The following EPHA3 variants were observed in gnomAD, a reference collection of about 807,000 sequenced individuals.
EPHA3 encodes the protein ephrin type-A receptor 3.
In EPHA3, 42 loss-of-function variants were observed where a neutral mutation model predicts 107.1. The ratio of observed to expected loss-of-function variants is 0.39; its 90% CI spans 0.31 to 0.51. The LOEUF (loss-of-function observed/expected upper bound fraction) is 0.51. EPHA3 is among the 20% of genes least tolerant of loss of function. EPHA3 has a pLI of 0.78. For missense variants in EPHA3, 1,183 were observed against 1,211.2 expected, an observed-to-expected ratio of 0.98 and a Z score of 0.35; for synonymous variants, 461 against 424.8, an observed-to-expected ratio of 1.09 and a Z score of -1.05.
intron 5 of EPHA3, among the ~76,000 whole-genome samples, chr3:89,376,133 T>A (rs1708399733): frequency 6.6e-6 from 1 of 151,934 alleles, no homozygotes; most frequent in African/African-American, 2.4e-5. Flanking sequence ...TTCCATACAT[T>A]ATTAATTTTA....
chr3:89,341,714 C>T, intron 4 of EPHA3, 41 bp from the exon 5 acceptor site: 1 of 1,469,110 alleles, frequency 6.8e-7, no homozygotes. Context: ...TAGTAGAAAA[C>T]AGAAGTGAGG....
intron 3 of EPHA3, among the ~76,000 whole-genome samples, chr3:89,257,975 G>T (rs1445867630): frequency 6.6e-6 from 1 of 152,114 alleles, no homozygotes; most frequent in Non-Finnish European, 1.5e-5. Flanking sequence ...TAATTACAAA[G>T]AGAATAAACT....
At chr3:89,313,912 A>G (rs1706830770) in intron 3 of EPHA3, among the ~76,000 whole-genome samples, 1 of 152,004 alleles carries the variant, frequency 6.6e-6, no homozygotes, top group African/African-American at 2.4e-5. Context: ...TATTTTTTAT[A>G]AAGTAAACTA....
chr3:89,410,122 T>C (rs1709130472), intron 9 of EPHA3, among the ~76,000 whole-genome samples: 1 of 152,008 alleles, frequency 6.6e-6, no homozygotes, highest in African/African-American at 2.4e-5. Flanking sequence ...AGCCAGTGCT[T>C]CTACAGCGAA....
chr3:89,203,670 G>T (rs1049129367), intron 2 of EPHA3, among the ~76,000 whole-genome samples: 2 of 151,938 alleles, frequency 1.3e-5, no homozygotes, highest in African/African-American at 4.8e-5. Context: ...CCAGCTACTC[G>T]GGAGGCTGAG....
chr3:89,343,735 A>T (rs1212252003), intron 5 of EPHA3, among the ~76,000 whole-genome samples: 1 of 152,232 alleles, frequency 6.6e-6, no homozygotes, highest in East Asian at 1.9e-4. Context: ...AAGTAAACTT[A>T]ATTTGTGGAA....
intron 3 of EPHA3, among the ~76,000 whole-genome samples, chr3:89,308,799 C>T (rs1307042421): frequency 2.6e-5 from 4 of 151,880 alleles, no homozygotes; most frequent in South Asian, 4.2e-4. Flanking sequence ...TAATGAAACT[C>T]GGTAATCTTT....
chr3:89,468,319 T>C (rs1690945874), intron 15 of EPHA3, among the ~76,000 whole-genome samples: 1 of 152,114 alleles, frequency 6.6e-6, no homozygotes, highest in Non-Finnish European at 1.5e-5. Context: ...TTGGGGTCAC[T>C]AATCCTTAAT....
intron 13 of EPHA3, among the ~76,000 whole-genome samples, chr3:89,433,449 A>G (rs1203918699): frequency 6.6e-6 from 1 of 152,172 alleles, no homozygotes; most frequent in Non-Finnish European, 1.5e-5. Flanking sequence ...TAATAGAACC[A>G]CTGAATAATA....
intron 2 of EPHA3, among the ~76,000 whole-genome samples, chr3:89,143,566 T>C (rs1704475808): frequency 6.6e-6 from 1 of 151,598 alleles, no homozygotes. Context: ...TTATTTCATG[T>C]ATAATGCGGG....
chr3:89,176,125 G>T (rs1253064241), intron 2 of EPHA3, among the ~76,000 whole-genome samples: 1 of 152,088 alleles, frequency 6.6e-6, no homozygotes, highest in East Asian at 1.9e-4. Context: ...CCAATTTGGA[G>T]ATATTAGTAT....
chr3:89,120,733 T>G (rs962484587), intron 1 of EPHA3, among the ~76,000 whole-genome samples: 35 of 152,314 alleles, frequency 2.3e-4, no homozygotes, highest in African/African-American at 8.2e-4. Context: ...GAGTTCCCCC[T>G]ACTGTTGGCA....
chr3:89,289,984 C>T (rs1347046378), intron 3 of EPHA3, among the ~76,000 whole-genome samples: 1 of 152,094 alleles, frequency 6.6e-6, no homozygotes, highest in Non-Finnish European at 1.5e-5. Flanking sequence ...CCTAATGTAA[C>T]AGACCATGCT....
intron 15 of EPHA3, among the ~76,000 whole-genome samples, chr3:89,452,862 T>A (rs1366053876): frequency 6.6e-6 from 1 of 152,162 alleles, no homozygotes; most frequent in African/African-American, 2.4e-5. Flanking sequence ...TTATATTAAA[T>A]GCACATTACC....
intron 2 of EPHA3, among the ~76,000 whole-genome samples, chr3:89,141,041 G>A (rs1268354560): frequency 1.3e-5 from 2 of 151,460 alleles, no homozygotes; most frequent in Non-Finnish European, 3.0e-5. Context: ...TAAATAAATC[G>A]AACAAATTCA....
chr3:89,347,647 C>T (rs1401860063), intron 5 of EPHA3, among the ~76,000 whole-genome samples: 6 of 150,746 alleles, frequency 4.0e-5, no homozygotes, highest in Non-Finnish European at 8.9e-5. Flanking sequence ...ACTTCCAACA[C>T]TATGTTGAAT....
rs542105405 is a variant in EPHA3 at position 89,143,615 on chromosome 3, G to A, written c.153+16342G>A. Among the ~76,000 whole-genome samples the A allele has an allele frequency of 3.7e-3, 556 of 151,522 alleles. 2 individuals carry two copies. Among genetic ancestry groups the A allele is most frequent in the African/African-American group, 0.013 (525 of 41,412 alleles). Reference sequence around the variant, plus strand: ...CTTTTTAAAATAATTTTAGATATACGGAAAAGTTGCAAAGATAGTACAGAG... The same window carrying A: ...CTTTTTAAAATAATTTTAGATATACAGAAAAGTTGCAAAGATAGTACAGAG... On this transcript the variant is annotated intron_variant, in intron 2 of 16. Transcript: ENST00000336596.
intron 2 of EPHA3, among the ~76,000 whole-genome samples, chr3:89,181,764 C>A (rs1248450546): frequency 6.6e-6 from 1 of 151,970 alleles, no homozygotes; most frequent in Admixed American, 6.6e-5. Flanking sequence ...ATCGTTAAAT[C>A]TAAGCAGAGA....
At chr3:89,173,204 T>A (rs763459023) in intron 2 of EPHA3, among the ~76,000 whole-genome samples, 1 of 152,148 alleles carries the variant, frequency 6.6e-6, no homozygotes, top group Non-Finnish European at 1.5e-5. Flanking sequence ...AGTATTGAAT[T>A]TAATGACTAT....
Sources: gnomAD v4.1 joint callset for allele counts (sites outside exome capture counted in the v4.1 genomes callset) on GRCh38, gnomAD v4.1.1 for gene constraint, MANE v1.5 for transcripts, NCBI Gene and HGNC (gene_info 2026-07-23, HGNC 2026-07-21) for gene names.